The following UBE2E2 variants were observed in gnomAD, a reference collection of about 807,000 sequenced individuals.
UBE2E2 encodes the protein ubiquitin conjugating enzyme E2 E2.
In UBE2E2, 6 loss-of-function variants were observed where a neutral mutation model predicts 24.7. That is an observed-to-expected ratio of 0.24 (90% CI 0.13 to 0.48). The LOEUF (loss-of-function observed/expected upper bound fraction) is 0.48, where lower values mean the gene tolerates loss of function less well. UBE2E2 is among the 20% of genes least tolerant of loss of function. The pLI, the probability that UBE2E2 is intolerant of heterozygous loss-of-function variation, is 0.99. For synonymous variants in UBE2E2, 104 were observed against 83.6 expected, an observed-to-expected ratio of 1.24 and a Z score of -1.33; for missense variants, 169 against 245.0, an observed-to-expected ratio of 0.69 and a Z score of 2.07.
chr3:23,423,760 A>T (rs1484474009), intron 3 of UBE2E2, among the ~76,000 whole-genome samples: 1 of 152,228 alleles, frequency 6.6e-6, no homozygotes, highest in Non-Finnish European at 1.5e-5. Flanking sequence ...TATGATACTC[A>T]TGAATGTTTT....
chr3:23,280,525 G>A lies in UBE2E2; in HGVS notation c.227+63213G>A, dbSNP rs188218648. On this transcript the variant is annotated intron_variant, in intron 3 of 5. Transcript: ENST00000396703. The surrounding 1 kb of genome is among the most constrained non-coding windows in gnomAD (Gnocchi z 4.3). ...CATTTTGCCTTCTTTTTTCCCATCC[G>A]TGGCTGGCAGTTGACAGTGTTGAGG... Among the ~76,000 whole-genome samples, 2 of 152,194 alleles carry A rather than the reference G, an allele frequency of 1.3e-5. No homozygotes were observed. The highest frequency in any genetic ancestry group is 6.5e-5 in the Admixed American group (1 of 15,288).
chr3:23,328,662 C>CTTTTTTT (rs11433089), intron 3 of UBE2E2, among the ~76,000 whole-genome samples: 2 of 145,428 alleles, frequency 1.4e-5, no homozygotes, highest in Non-Finnish European at 3.0e-5. Flanking sequence ...CTCTCTCTCT[C>CTTTTTTT]TTTTTTTTTT....
intron 5 of UBE2E2, among the ~76,000 whole-genome samples, chr3:23,554,081 C>T (rs1695716744): frequency 6.6e-6 from 1 of 151,988 alleles, no homozygotes; most frequent in Non-Finnish European, 1.5e-5. Flanking sequence ...ATAGCCAGAG[C>T]AATCCTGAGG....
At chr3:23,475,299 A>G (rs1189655542) in intron 3 of UBE2E2, among the ~76,000 whole-genome samples, 1 of 152,052 alleles carries the variant, frequency 6.6e-6, no homozygotes, top group Non-Finnish European at 1.5e-5. Flanking sequence ...TTGACTCACA[A>G]ATCTCTGCAA....
rs141127715 is a variant in UBE2E2 at position 23,494,261 on chromosome 3, TCTC to T, written c.228-5344_228-5342del. ...TGTGAGCCATGTATGTAATTTTAAA[TCTC>T]CTGACAGCCAGACTAAAGGAAAAAA... On this transcript the variant is annotated intron_variant, in intron 3 of 5. Coordinates refer to ENST00000396703, the MANE Select transcript of UBE2E2 (RefSeq NM_152653.4). Among the ~76,000 whole-genome samples the T allele has an allele frequency of 1.0e-3, 154 of 152,272 alleles. 2 individuals carry two copies. The highest frequency in any genetic ancestry group is 3.5e-3 in the African/African-American group (147 of 41,552).
At chr3:23,489,251 A>G (rs988163913) in intron 3 of UBE2E2, among the ~76,000 whole-genome samples, 1 of 152,186 alleles carries the variant, frequency 6.6e-6, no homozygotes, top group Admixed American at 6.5e-5. Flanking sequence ...ATTGTAATAT[A>G]TAATGAAATA....
chr3:23,323,164 A>G (rs952768873), intron 3 of UBE2E2, among the ~76,000 whole-genome samples: 8 of 152,128 alleles, frequency 5.3e-5, no homozygotes, highest in African/African-American at 1.9e-4. Context: ...ATGTTATTAT[A>G]TTTGATCCTC....
chr3:23,316,295 G>A (rs1694576338), intron 3 of UBE2E2, among the ~76,000 whole-genome samples: 1 of 151,976 alleles, frequency 6.6e-6, no homozygotes, highest in South Asian at 2.1e-4. Context: ...GGTTCTCTGT[G>A]CTACTGCACC....
chr3:23,224,305 C>A (rs1321820117), intron 3 of UBE2E2, among the ~76,000 whole-genome samples: 1 of 151,470 alleles, frequency 6.6e-6, no homozygotes. Flanking sequence ...ACATAGAATA[C>A]CTTTCCATTT....
chr3:23,571,693 G>T (rs1696236268), intron 5 of UBE2E2, among the ~76,000 whole-genome samples: 1 of 152,086 alleles, frequency 6.6e-6, no homozygotes, highest in Non-Finnish European at 1.5e-5. Flanking sequence ...CAGGTCAGCA[G>T]GTCAGCTACC....
At chr3:23,385,897 C>T (rs945487272) in intron 3 of UBE2E2, among the ~76,000 whole-genome samples, 1 of 152,158 alleles carries the variant, frequency 6.6e-6, no homozygotes, top group Non-Finnish European at 1.5e-5. Context: ...GTGGTAGCTG[C>T]TATTATTGTC....
intron 3 of UBE2E2, among the ~76,000 whole-genome samples, chr3:23,497,475 T>C (rs1184372476): frequency 1.3e-5 from 2 of 152,222 alleles, no homozygotes; most frequent in African/African-American, 4.8e-5. Flanking sequence ...GGCTACAAAA[T>C]TATTACAGTA....
At chr3:23,334,654 ACATT>A (rs1415192838) in intron 3 of UBE2E2, among the ~76,000 whole-genome samples, 1 of 152,218 alleles carries the variant, frequency 6.6e-6, no homozygotes, top group African/African-American at 2.4e-5. Flanking sequence ...ATAATAGCAA[ACATT>A]CAGTAAGCTG....
At chr3:23,254,788 G>C (rs1278260631) in intron 3 of UBE2E2, among the ~76,000 whole-genome samples, 1 of 152,126 alleles carries the variant, frequency 6.6e-6, no homozygotes, top group African/African-American at 2.4e-5. Context: ...GTAGAAATTA[G>C]AAGAGAGAAT....
chr3:23,471,927 C>A (rs755782351), intron 3 of UBE2E2, among the ~76,000 whole-genome samples: 9 of 135,908 alleles, frequency 6.6e-5, no homozygotes, highest in African/African-American at 8.8e-5. Flanking sequence ...TTTCACAGTA[C>A]AGGAAAACAT....
At position 23,332,583 on chromosome 3, in the gene UBE2E2, C is replaced by T. The variant is rs144129404; in HGVS notation, c.227+115271C>T. Among the ~76,000 whole-genome samples, 268 of 151,456 alleles carry T rather than the reference C, an allele frequency of 1.8e-3. 2 individuals are homozygous for T. The highest frequency in any genetic ancestry group is 6.2e-3 in the African/African-American group (254 of 41,214). Reference sequence around the variant, plus strand: ...AGAAAAGTTAATAGGATTTATGTAACGAAAGAAAATAATTGTGACAGAAAA... The same window carrying T: ...AGAAAAGTTAATAGGATTTATGTAATGAAAGAAAATAATTGTGACAGAAAA... On this transcript the variant is annotated intron_variant, in intron 3 of 5. Transcript: ENST00000396703.
chr3:23,275,734 A>T (rs1313112299), intron 3 of UBE2E2, among the ~76,000 whole-genome samples: 1 of 152,130 alleles, frequency 6.6e-6, no homozygotes, highest in Non-Finnish European at 1.5e-5. Flanking sequence ...TGGGAGGGAG[A>T]GTTGAAAGAG....
intron 4 of UBE2E2, among the ~76,000 whole-genome samples, chr3:23,524,730 T>G (rs932314649): frequency 2.0e-5 from 3 of 152,202 alleles, no homozygotes; most frequent in Non-Finnish European, 4.4e-5. Context: ...ACATAAAGAA[T>G]GTTAACTCTT....
intron 3 of UBE2E2, among the ~76,000 whole-genome samples, chr3:23,257,533 T>C (rs1697769425): frequency 3.0e-5 from 1 of 33,100 alleles, no homozygotes; most frequent in African/African-American, 1.5e-4. Context: ...CCCCCCACTT[T>C]TTTTTTTTTT....
Sources: gnomAD v4.1 joint callset for allele counts (sites outside exome capture counted in the v4.1 genomes callset) on GRCh38, gnomAD v4.1.1 for gene constraint, Gnocchi (gnomAD v3.1) non-coding constraint, MANE v1.5 for transcripts, NCBI Gene and HGNC (gene_info 2026-07-23, HGNC 2026-07-21) for gene names.